UBE2R2: variants seen among roughly 807,000 people sequenced by gnomAD.
The protein encoded by UBE2R2 is ubiquitin-conjugating enzyme E2 R2.
A neutral mutation model predicts 27.8 loss-of-function variants in UBE2R2; 1 was observed. The observed-to-expected ratio is 0.04, with a 90% CI of 0.01 to 0.17. UBE2R2 has a LOEUF of 0.17. UBE2R2 is among the 10% of genes least tolerant of loss of function. The probability of loss-of-function intolerance (pLI) is 1.00; values close to 1 mark genes in which losing one functional copy is unlikely to be tolerated. For synonymous variants in UBE2R2, 106 were observed against 113.3 expected, an observed-to-expected ratio of 0.94 and a Z score of 0.41; for missense variants, 100 against 291.0, an observed-to-expected ratio of 0.34 and a Z score of 4.78.
At chr9:33,823,439 G>A (rs1399946233) in intron 1 of UBE2R2, among the ~76,000 whole-genome samples, 2 of 151,880 alleles carry the variant, frequency 1.3e-5, no homozygotes, top group Non-Finnish European at 2.9e-5. Context: ...GCAGTGGCGC[G>A]ATCTTGGCTC....
intron 1 of UBE2R2, among the ~76,000 whole-genome samples, chr9:33,859,653 T>G (rs377033712): frequency 6.6e-6 from 1 of 152,114 alleles, no homozygotes; most frequent in African/African-American, 2.4e-5. Flanking sequence ...ACTTTAAATT[T>G]CTTTGTTTTG....
intron 2 of UBE2R2, among the ~76,000 whole-genome samples, chr9:33,897,453 G>A (rs898554156): frequency 2.6e-5 from 4 of 151,606 alleles, no homozygotes; most frequent in Non-Finnish European, 5.9e-5. Flanking sequence ...GAGTAGCTGG[G>A]ATTACAGGTG....
chr9:33,904,243 G>A (rs1564005348), intron 3 of UBE2R2, among the ~76,000 whole-genome samples: 1 of 152,138 alleles, frequency 6.6e-6, no homozygotes, highest in Non-Finnish European at 1.5e-5. Context: ...TATTAAGAGG[G>A]AAGATACAAG....
chr9:33,883,766 A>G (rs888905927), intron 1 of UBE2R2, among the ~76,000 whole-genome samples: 10 of 151,272 alleles, frequency 6.6e-5, no homozygotes, highest in African/African-American at 1.5e-4. Context: ...AAATTGACCT[A>G]TCTTCAAATT....
At chr9:33,821,780 T>C (rs763679688) in intron 1 of UBE2R2, among the ~76,000 whole-genome samples, 1 of 151,788 alleles carries the variant, frequency 6.6e-6, no homozygotes, top group Admixed American at 6.6e-5. Flanking sequence ...GAAACCTGGC[T>C]AATTCTTTTT....
At chr9:33,818,227 C>T (rs915179611) in intron 1 of UBE2R2, among the ~76,000 whole-genome samples, 1 of 152,078 alleles carries the variant, frequency 6.6e-6, no homozygotes, top group African/African-American at 2.4e-5. Context: ...GCCTTTGTTT[C>T]CCCCGCTGAG....
intron 3 of UBE2R2, among the ~76,000 whole-genome samples, chr9:33,908,239 G>A (rs528804650): frequency 1.3e-5 from 2 of 152,174 alleles, no homozygotes; most frequent in Non-Finnish European, 2.9e-5. Flanking sequence ...AATGCTGTCA[G>A]CTTTCCTTAT....
chr9:33,915,949 G>GCTT (rs1822630746), intron 4 of UBE2R2, among the ~76,000 whole-genome samples: 1 of 152,140 alleles, frequency 6.6e-6, no homozygotes, highest in African/African-American at 2.4e-5. Flanking sequence ...TGTGGGGCAG[G>GCTT]GGAAGAGCAA....
intron 2 of UBE2R2, among the ~76,000 whole-genome samples, chr9:33,891,047 G>GTTTTTTTGTGT (rs1554676110): frequency 5.5e-5 from 7 of 126,374 alleles, no homozygotes; most frequent in South Asian, 2.6e-4. Flanking sequence ...TTGTTGTTGT[G>GTTTTTTTGTGT]TTTTTTTGTT....
intron 1 of UBE2R2, among the ~76,000 whole-genome samples, chr9:33,856,802 TGTCCTTCC>T (rs1563989855): frequency 6.6e-6 from 1 of 151,824 alleles, no homozygotes; most frequent in African/African-American, 2.4e-5. Flanking sequence ...CCTTTACTTC[TGTCCTTCC>T]GTCCTTCCAT....
chr9:33,893,254 C>G (rs1478065840), intron 2 of UBE2R2, among the ~76,000 whole-genome samples: 1 of 152,148 alleles, frequency 6.6e-6, no homozygotes, highest in Non-Finnish European at 1.5e-5. Flanking sequence ...CTGGCAACCA[C>G]TCATCTGCTG....
chr9:33,897,162 G>T (rs2130806269), intron 2 of UBE2R2, among the ~76,000 whole-genome samples: 1 of 149,120 alleles, frequency 6.7e-6, no homozygotes, highest in East Asian at 2.0e-4. Context: ...TCAGCCTCCT[G>T]AGTAGCTGGG....
In UBE2R2 at chr9:33,900,908, C is replaced by A. The variant is rs1021200389; in HGVS notation, c.362+637C>A. Among the ~76,000 whole-genome samples, 3 of 151,570 alleles carry A rather than the reference C, an allele frequency of 2.0e-5. No homozygotes were observed. In the South Asian group the frequency reaches 6.3e-4, roughly 32 times the overall value. ...AATAGTCATGTCTTCATGGGCAACT[C>A]CTCTCTCTCTCTGTCTCTGTCTCTC... On this transcript the variant is annotated intron_variant, in intron 3 of 4. Transcript: ENST00000263228.
At chr9:33,881,619 A>T (rs1054822739) in intron 1 of UBE2R2, among the ~76,000 whole-genome samples, 5 of 151,996 alleles carry the variant, frequency 3.3e-5, no homozygotes, top group Admixed American at 3.3e-4. Context: ...TTTGAAGAGG[A>T]TGGGTCAGGT....
At chr9:33,852,234 C>G (rs1157970921) in intron 1 of UBE2R2, among the ~76,000 whole-genome samples, 1 of 152,100 alleles carries the variant, frequency 6.6e-6, no homozygotes, top group African/African-American at 2.4e-5. Context: ...TCGCTTGAGT[C>G]CGCGAGGTTG....
At chr9:33,906,346 TC>T (rs1198623227) in intron 3 of UBE2R2, among the ~76,000 whole-genome samples, 3 of 152,172 alleles carry the variant, frequency 2.0e-5, no homozygotes, top group African/African-American at 7.2e-5. Flanking sequence ...GATCTTGAAC[TC>T]CCAACCTCAG....
Position 33,886,882 on chromosome 9 carries a change from C to A in UBE2R2, c.179C>A (p.Ala60Glu). 6.3e-7 allele frequency: 1 copy of A among 1,577,652 alleles called. No individual in the cohort carries two copies. Among genetic ancestry groups the A allele is most frequent in the South Asian group, 1.2e-5 (1 of 84,130 alleles). Residue 60 changes from alanine (A) to glutamate (E), a missense_variant and splice_region_variant, in exon 2 of 5, where the codon GCG (alanine) becomes GAG (glutamate). Around this residue, in one of 3 missense-constraint regions of UBE2R2, gnomAD observed 43 missense variants for 129.2 expected, o/e 0.33. Transcript: ENST00000263228. ...GCATTTCATTTTTTTTCTTTTCAGG[C>A]GCATATTAAATTTCCTATTGACTAC... ...NTLYEGGYFK[A>E]HIKFPIDYPY...
In UBE2R2 at chr9:33,859,760, TTGTGTGTGTG is replaced by T. The variant is rs57089790; in HGVS notation, c.178-27090_178-27081del. On this transcript the variant is annotated intron_variant, in intron 1 of 4. Coordinates refer to ENST00000263228, the MANE Select transcript of UBE2R2 (RefSeq NM_017811.4). ...CAGTCCTTGTGGTTATCTAAGCCTTTTGTGTGTGTGTGTGTGTGTGTGTGTGTGTGTGTGT... is the reference window on the plus strand; with the variant it reads ...CAGTCCTTGTGGTTATCTAAGCCTTTTGTGTGTGTGTGTGTGTGTGTGTGT... 9.5e-3 allele frequency among the ~76,000 whole-genome samples: 1,236 copies of T among 130,684 alleles called. 24 individuals are homozygous for T. Among genetic ancestry groups the T allele is most frequent in the African/African-American group, 0.033 (1,141 of 34,424 alleles). The allele number at this position is 130,684 out of a possible 152,430, so 85.7% of individuals were successfully genotyped here.
chr9:33,888,337 C>A (rs1821908882), intron 2 of UBE2R2, among the ~76,000 whole-genome samples: 1 of 152,044 alleles, frequency 6.6e-6, no homozygotes, highest in African/African-American at 2.4e-5. Flanking sequence ...ATTCTGTAAT[C>A]TTTTATTTGC....
Sources: allele counts gnomAD v4.1 joint callset (sites outside exome capture counted in the v4.1 genomes callset), GRCh38; gene constraint gnomAD v4.1.1; regional missense constraint gnomAD v4.1.1; transcripts MANE v1.5; gene names NCBI Gene and HGNC (gene_info 2026-07-23, HGNC 2026-07-21).